NOX4: variants seen among roughly 807,000 people sequenced by gnomAD.
The protein encoded by NOX4 is kidney oxidase-1.
NOX4 carries 69 observed loss-of-function variants against 87.6 expected under a neutral mutation model. The ratio of observed to expected loss-of-function variants is 0.79; its 90% CI spans 0.65 to 0.96. The LOEUF is 0.96. Ranked by LOEUF, NOX4 falls within the 40% of genes least tolerant of loss-of-function variation. The pLI, the probability that NOX4 is intolerant of heterozygous loss-of-function variation, is 0.00. For missense variants in NOX4, 680 were observed against 681.5 expected (o/e 1.00, Z 0.02); for synonymous variants, 275 against 238.2 (o/e 1.15, Z -1.42).
the NOX4 span, among the ~76,000 whole-genome samples, chr11:89,568,367 G>A: frequency 1.2e-4 from 19 of 152,014 alleles, no homozygotes; most frequent in African/African-American, 3.9e-4. Flanking sequence ...ACTGAAGATC[G>A]AAATAAACAC....
At chr11:89,430,649 G>T (rs1289010023) in intron 7 of NOX4, among the ~76,000 whole-genome samples, 1 of 152,128 alleles carries the variant, frequency 6.6e-6, no homozygotes, top group Non-Finnish European at 1.5e-5. Context: ...ACTTACAAGG[G>T]ATGTGAAGGA....
chr11:89,402,629 T>G, intron 8 of NOX4, 87 bp from the exon 9 acceptor site: 1 of 1,045,130 alleles, frequency 9.6e-7, no homozygotes, highest in South Asian at 1.4e-5. Flanking sequence ...GTTTTTGTTT[T>G]TGTTTTTGTT....
the NOX4 span, among the ~76,000 whole-genome samples, chr11:89,504,203 AC>A: frequency 6.6e-6 from 1 of 151,728 alleles, no homozygotes; most frequent in East Asian, 1.9e-4. Context: ...GTGGAAGAGA[AC>A]TCTTGGCCCA....
intron 11 of NOX4, among the ~76,000 whole-genome samples, chr11:89,390,969 T>A (rs546648668): frequency 6.8e-4 from 104 of 152,250 alleles, no homozygotes; most frequent in Non-Finnish European, 1.3e-3. Context: ...CATTTCCTTT[T>A]CTGTAGTTGC....
At chr11:89,541,217 A>T in the NOX4 span, among the ~76,000 whole-genome samples, 2 of 152,214 alleles carry the variant, frequency 1.3e-5, no homozygotes, top group African/African-American at 4.8e-5. Context: ...TAAAACTTTT[A>T]AAATTCTGCC....
chr11:89,354,521 A>G (rs1435974048), intron 13 of NOX4, among the ~76,000 whole-genome samples: 1 of 152,216 alleles, frequency 6.6e-6, no homozygotes, highest in East Asian at 1.9e-4. Flanking sequence ...GTCAAAAATC[A>G]TAAGAATATG....
At chr11:89,414,296 A>G (rs975617616) in intron 8 of NOX4, among the ~76,000 whole-genome samples, 8 of 152,052 alleles carry the variant, frequency 5.3e-5, no homozygotes, top group Non-Finnish European at 8.8e-5. Flanking sequence ...TCCATTATCA[A>G]ATTCATCCCA....
the NOX4 span, among the ~76,000 whole-genome samples, chr11:89,558,095 T>C: frequency 6.6e-6 from 1 of 152,152 alleles, no homozygotes; most frequent in Non-Finnish European, 1.5e-5. Context: ...TGGAGGCCAG[T>C]AGTCTTGTAC....
chr11:89,542,127 A>G, the NOX4 span, among the ~76,000 whole-genome samples: 21 of 152,206 alleles, frequency 1.4e-4, no homozygotes, highest in Admixed American at 5.2e-4. Context: ...ACTGTTTAAC[A>G]CCTCATGGTT....
the NOX4 span, among the ~76,000 whole-genome samples, chr11:89,586,863 G>A: frequency 6.6e-6 from 1 of 152,108 alleles, no homozygotes. Flanking sequence ...GCTTCAGTTG[G>A]CATGGTCCTC....
chr11:89,551,722 A>G, the NOX4 span, among the ~76,000 whole-genome samples: 1 of 152,058 alleles, frequency 6.6e-6, no homozygotes, highest in East Asian at 1.9e-4. Flanking sequence ...CTAAATATAC[A>G]ATCATGTCAT....
At chr11:89,407,141 A>G (rs756702563) in intron 8 of NOX4, among the ~76,000 whole-genome samples, 156 of 152,288 alleles carry the variant, frequency 1.0e-3, no homozygotes, top group Admixed American at 3.5e-3. Flanking sequence ...ATGCATTTCT[A>G]GTGAATTGAT....
chr11:89,549,666 G>GT, the NOX4 span, among the ~76,000 whole-genome samples: 2 of 152,094 alleles, frequency 1.3e-5, no homozygotes, highest in East Asian at 3.9e-4. Context: ...ACAGGCCCCA[G>GT]TGTGTGATGT....
At chr11:89,589,148 G>A in the NOX4 span, among the ~76,000 whole-genome samples, 1 of 152,204 alleles carries the variant, frequency 6.6e-6, no homozygotes, top group Non-Finnish European at 1.5e-5. Context: ...TCCATCTGGA[G>A]TCTCTCTCTT....
At chr11:89,397,279 A>G (rs1941556653) in intron 11 of NOX4, among the ~76,000 whole-genome samples, 1 of 152,226 alleles carries the variant, frequency 6.6e-6, no homozygotes, top group Non-Finnish European at 1.5e-5. Context: ...ATGAGAACAA[A>G]GACACAATAT....
chr11:89,552,111 C>T, the NOX4 span, among the ~76,000 whole-genome samples: 34 of 152,240 alleles, frequency 2.2e-4, no homozygotes, highest in African/African-American at 7.9e-4. Context: ...ATCTGTTCCT[C>T]ATTAAACTGT....
At chr11:89,330,074 G>A (rs991878618) in intron 17 of NOX4, among the ~76,000 whole-genome samples, 1 of 152,070 alleles carries the variant, frequency 6.6e-6, no homozygotes, top group Non-Finnish European at 1.5e-5. Context: ...ATATGTATAT[G>A]TAAGATGAAT....
the NOX4 span, among the ~76,000 whole-genome samples, chr11:89,572,146 A>G: frequency 1.3e-5 from 2 of 152,002 alleles, no homozygotes; most frequent in African/African-American, 4.8e-5. Flanking sequence ...AACCCTGACC[A>G]CCTTGGGCAC....
chr11:89,447,744 C>T (rs1178823571), intron 4 of NOX4, among the ~76,000 whole-genome samples: 1 of 152,038 alleles, frequency 6.6e-6, no homozygotes, highest in African/African-American at 2.4e-5. Context: ...TGCTGGTTTC[C>T]TGATCCTCCT....
Sources: gnomAD v4.1 joint callset for allele counts (sites outside exome capture counted in the v4.1 genomes callset) on GRCh38, gnomAD v4.1.1 for gene constraint, MANE v1.5 for transcripts, NCBI Gene and HGNC (gene_info 2026-07-23, HGNC 2026-07-21) for gene names.